Variants in CTNNA2 observed in about 807,000 individuals in gnomAD.
CTNNA2 encodes the protein catenin alpha-2.
CTNNA2 carries 42 observed loss-of-function variants against 101.0 expected under a neutral mutation model. The observed-to-expected ratio is 0.42, with a 90% confidence interval of 0.32 to 0.54. The LOEUF (loss-of-function observed/expected upper bound fraction) is 0.54. Ranked by LOEUF, CTNNA2 falls within the 20% of genes least tolerant of loss-of-function variation. The probability of loss-of-function intolerance (pLI) is 0.14; values close to 1 mark genes in which losing one functional copy is unlikely to be tolerated. For synonymous variants in CTNNA2, 450 were observed against 456.4 expected (o/e 0.99, Z 0.18); for missense variants, 871 against 1,223.1 (o/e 0.71, Z 4.29).
At chr2:79,462,950 A>G (rs1670894706) in intron 4 of CTNNA2, among the ~76,000 whole-genome samples, 1 of 152,216 alleles carries the variant, frequency 6.6e-6, no homozygotes, top group Non-Finnish European at 1.5e-5. Context: ...AGTTAGGAAG[A>G]GTCATCCAGG....
At chr2:80,007,745 G>T (rs1358212301) in intron 7 of CTNNA2, among the ~76,000 whole-genome samples, 6 of 152,186 alleles carry the variant, frequency 3.9e-5, no homozygotes, top group African/African-American at 1.4e-4. Context: ...AGCCAGAAGT[G>T]AGAGAAGGGG....
intron 2 of CTNNA2, among the ~76,000 whole-genome samples, chr2:79,213,828 G>A (rs1212436288): frequency 6.6e-6 from 1 of 152,166 alleles, no homozygotes; most frequent in Non-Finnish European, 1.5e-5. Context: ...CAGGTATGAG[G>A]AAGAAAACAG....
Position 79,455,234 on chromosome 2 carries a change from A to G in CTNNA2, c.-134-49820A>G, listed in dbSNP as rs139547138. On this transcript the variant is annotated intron_variant, in intron 4 of 21. Coordinates refer to the CTNNA2 transcript ENST00000466387. The stretch of plus-strand genomic sequence containing the variant: ...TCCTCCATATGCATAGTCAAAATCG[A>G]GAACACAGGGATGTTGGCATAGTTT... 8.1e-4 allele frequency among the ~76,000 whole-genome samples: 123 copies of G among 152,332 alleles called. 1 individual carries two copies. Among genetic ancestry groups the G allele is most frequent in the African/African-American group, 2.9e-3 (119 of 41,568 alleles).
In CTNNA2 at chr2:80,193,301, A is replaced by G. The variant is rs34723808; in HGVS notation, c.1057-199910A>G. Among the ~76,000 whole-genome samples the G allele has an allele frequency of 6.3e-3, 960 of 152,308 alleles. 4 individuals carry two copies. The highest frequency in any genetic ancestry group is 0.013 in the Admixed American group (192 of 15,292). On this transcript the variant is annotated intron_variant, in intron 7 of 18. Coordinates refer to ENST00000402739, the MANE Select transcript of CTNNA2 (RefSeq NM_001282597.3). ...AGTGTTTGGTGTGATTCATGAGACCATGGGCATAGTCTTGGGTTAGTGAAA... is the reference window on the plus strand; with the variant it reads ...AGTGTTTGGTGTGATTCATGAGACCGTGGGCATAGTCTTGGGTTAGTGAAA...
intron 7 of CTNNA2, among the ~76,000 whole-genome samples, chr2:80,192,793 G>A (rs941960016): frequency 4.6e-5 from 7 of 152,178 alleles, no homozygotes; most frequent in Non-Finnish European, 8.8e-5. Context: ...GATTACAGGC[G>A]CGAGCCACCG....
intron 7 of CTNNA2, chr2:80,313,705 G>C (rs1677829181): frequency 1.5e-6 from 2 of 1,373,990 alleles, no homozygotes; most frequent in East Asian, 4.9e-5. Context: ...TGCCAGATTG[G>C]AAAGACTTTC....
intron 7 of CTNNA2, among the ~76,000 whole-genome samples, chr2:80,111,446 G>A (rs926030432): frequency 3.3e-5 from 5 of 152,164 alleles, no homozygotes; most frequent in African/African-American, 1.2e-4. Context: ...GTCCTCTCTG[G>A]CCAGTCACTT....
chr2:79,832,259 AG>A (rs1408405176), intron 3 of CTNNA2, among the ~76,000 whole-genome samples: 2 of 152,194 alleles, frequency 1.3e-5, no homozygotes, highest in Non-Finnish European at 2.9e-5. Context: ...AGTGTTCCAT[AG>A]CTATTACCTG....
At chr2:79,289,938 C>T (rs1416811561) in intron 2 of CTNNA2, among the ~76,000 whole-genome samples, 7 of 152,078 alleles carry the variant, frequency 4.6e-5, no homozygotes, top group Non-Finnish European at 2.9e-5. Context: ...AGATAATCAG[C>T]CTCTCTGTGC....
chr2:79,316,515 G>C (rs530277371), intron 3 of CTNNA2, among the ~76,000 whole-genome samples: 1 of 152,048 alleles, frequency 6.6e-6, no homozygotes, highest in African/African-American at 2.4e-5. Context: ...GAATAAATTG[G>C]CATCTTAAAA....
At chr2:79,912,683 C>T (rs1485063339) in intron 7 of CTNNA2, among the ~76,000 whole-genome samples, 1 of 152,138 alleles carries the variant, frequency 6.6e-6, no homozygotes, top group Non-Finnish European at 1.5e-5. Context: ...AAAAAATAAT[C>T]CCCCTTTAAG....
intron 3 of CTNNA2, among the ~76,000 whole-genome samples, chr2:79,334,760 A>C (rs1326626422): frequency 6.6e-6 from 1 of 152,182 alleles, no homozygotes; most frequent in Non-Finnish European, 1.5e-5. Context: ...TGATAAGATA[A>C]TGCAAATCAT....
chr2:80,093,857 T>A (rs1699959427), intron 7 of CTNNA2, among the ~76,000 whole-genome samples: 1 of 152,084 alleles, frequency 6.6e-6, no homozygotes, highest in African/African-American at 2.4e-5. Context: ...GGGTTGTTTG[T>A]TTTTTTCTTG....
chr2:80,573,899 A>C (rs1254026250), intron 12 of CTNNA2, among the ~76,000 whole-genome samples: 1 of 152,146 alleles, frequency 6.6e-6, no homozygotes, highest in Admixed American at 6.6e-5. Flanking sequence ...ACTACACCAC[A>C]CTACTGTGGG....
At chr2:80,142,354 G>T (rs550784569) in intron 7 of CTNNA2, among the ~76,000 whole-genome samples, 21 of 152,234 alleles carry the variant, frequency 1.4e-4, no homozygotes, top group African/African-American at 4.1e-4. Context: ...TTCTCTCACT[G>T]CAGTCCCTAT....
intron 7 of CTNNA2, among the ~76,000 whole-genome samples, chr2:79,981,647 T>G (rs1312113625): frequency 6.6e-6 from 1 of 152,148 alleles, no homozygotes; most frequent in Non-Finnish European, 1.5e-5. Flanking sequence ...ATTAAAGTCA[T>G]TCTTATGGAC....
At chr2:79,453,596 G>A (rs2104528912) in intron 4 of CTNNA2, among the ~76,000 whole-genome samples, 1 of 152,192 alleles carries the variant, frequency 6.6e-6, no homozygotes, top group East Asian at 1.9e-4. Context: ...CTCCATAAGT[G>A]GTAGGTTCAG....
chr2:79,342,111 A>T (rs1368964), intron 3 of CTNNA2, among the ~76,000 whole-genome samples: 54,019 of 152,008 alleles, frequency 0.36, 9,862 homozygotes, highest in Admixed American at 0.45. Flanking sequence ...TAAATGCAGC[A>T]ACTTCTGTGT....
intron 7 of CTNNA2, among the ~76,000 whole-genome samples, chr2:80,003,088 T>TAGCAGC (rs535834167): frequency 6.6e-5 from 10 of 152,090 alleles, no homozygotes; most frequent in Admixed American, 2.0e-4. Context: ...GTGGTGCTTC[T>TAGCAGC]AGCAGCAGCA....
Sources: gnomAD v4.1 joint callset for allele counts (sites outside exome capture counted in the v4.1 genomes callset) on GRCh38, gnomAD v4.1.1 for gene constraint, MANE v1.5 for transcripts, NCBI Gene and HGNC (gene_info 2026-07-23, HGNC 2026-07-21) for gene names.